Variants in STIMATE observed in about 807,000 individuals in gnomAD.
STIMATE encodes the protein store-operated calcium entry regulator STIMATE.
A neutral mutation model predicts 36.7 loss-of-function variants in STIMATE; 15 were observed. The ratio of observed to expected loss-of-function variants is 0.41; its 90% CI spans 0.27 to 0.63. The LOEUF (loss-of-function observed/expected upper bound fraction) is 0.63. Among genes scored for constraint, STIMATE ranks in the 20% least tolerant of loss-of-function variants. STIMATE has a pLI of 0.32. For missense variants in STIMATE, 305 were observed against 397.3 expected (o/e 0.77, Z 1.98); for synonymous variants, 163 against 162.3 (o/e 1.00, Z -0.03).
chr3:52,847,957 C>A (rs570292157), intron 4 of STIMATE: 13 of 178,628 alleles, frequency 7.3e-5, no homozygotes, highest in Non-Finnish European at 1.3e-4. Context: ...TACAGGCAGA[C>A]TCTAGAGGCT....
intron 1 of STIMATE, among the ~76,000 whole-genome samples, chr3:52,861,402 G>A (rs1024162701): frequency 6.6e-6 from 1 of 152,228 alleles, no homozygotes; most frequent in African/African-American, 2.4e-5. Flanking sequence ...GGCCTTTTGT[G>A]TACAGGTGTC....
chr3:52,860,803 TG>T (rs1299181513), intron 1 of STIMATE, among the ~76,000 whole-genome samples: 3 of 152,162 alleles, frequency 2.0e-5, no homozygotes, highest in Non-Finnish European at 4.4e-5. Flanking sequence ...AAAGGATGGC[TG>T]GGGCTGACTC....
intron 1 of STIMATE, among the ~76,000 whole-genome samples, chr3:52,858,094 C>T (rs56136581): frequency 0.069 from 10,554 of 152,084 alleles, 472 homozygotes; most frequent in Middle Eastern, 0.095. Context: ...ACCTTCATTG[C>T]GGTCTTCCAG....
chr3:52,885,790 G>C (rs550151175), intron 1 of STIMATE, among the ~76,000 whole-genome samples: 1 of 152,326 alleles, frequency 6.6e-6, no homozygotes, highest in East Asian at 1.9e-4. Flanking sequence ...CCTCCTTGCT[G>C]CTCTGAGATC....
chr3:52,840,381 G>T lies in STIMATE; in HGVS notation c.*113C>A. On this transcript the variant is annotated 3_prime_UTR_variant, in exon 8 of 8. Coordinates refer to ENST00000355083, the MANE Select transcript of STIMATE (RefSeq NM_198563.5). ...GCGAGAGCGGGCAGAGACAGCAAGA[G>T]GAGCAGAGGTAGAAAGGAAGGGCAG... 1 of 1,202,698 alleles carries T rather than the reference G, an allele frequency of 8.3e-7. No individual in the cohort carries two copies. Among genetic ancestry groups the T allele is most frequent in the Non-Finnish European group, 1.2e-6 (1 of 850,610 alleles). 74.5% of individuals were successfully genotyped at this position (1,202,698 alleles called of 1,614,324 possible). A position where few individuals can be genotyped will look rare whatever the true frequency, so the allele number is the denominator to read the frequency against.
intron 1 of STIMATE, among the ~76,000 whole-genome samples, chr3:52,869,760 G>A (rs1701371994): frequency 6.6e-6 from 1 of 152,200 alleles, no homozygotes; most frequent in Non-Finnish European, 1.5e-5. Context: ...ACATACTGGT[G>A]TCCCATCACA....
intron 1 of STIMATE, among the ~76,000 whole-genome samples, chr3:52,860,960 A>C (rs1301781508): frequency 6.6e-6 from 1 of 152,216 alleles, no homozygotes; most frequent in African/African-American, 2.4e-5. Context: ...TGGGCCTGGC[A>C]GCTGCTCCTG....
intron 4 of STIMATE, chr3:52,846,688 A>T (rs1348478283): frequency 6.6e-6 from 1 of 152,242 alleles, no homozygotes; most frequent in East Asian, 1.9e-4. Context: ...AAGAAAGTTC[A>T]GAAACGTGAG....
intron 1 of STIMATE, among the ~76,000 whole-genome samples, chr3:52,883,844 T>G (rs1272695236): frequency 6.6e-6 from 1 of 152,268 alleles, no homozygotes; most frequent in Non-Finnish European, 1.5e-5. Flanking sequence ...TATAACTGTT[T>G]TTCAATCCTT....
intron 1 of STIMATE, among the ~76,000 whole-genome samples, chr3:52,866,313 C>T (rs994791541): frequency 4.6e-5 from 7 of 152,386 alleles, no homozygotes; most frequent in African/African-American, 1.4e-4. Flanking sequence ...ACGGCTGCGG[C>T]GTGCACCCAT....
At chr3:52,848,183 G>A (rs1256136125) in intron 4 of STIMATE, 1 of 152,584 alleles carries the variant, frequency 6.6e-6, no homozygotes, top group Non-Finnish European at 1.5e-5. Flanking sequence ...AGGTAACTGA[G>A]CAGACAAGCT....
intron 1 of STIMATE, among the ~76,000 whole-genome samples, chr3:52,866,416 C>T (rs1559494699): frequency 6.6e-6 from 1 of 152,216 alleles, no homozygotes; most frequent in Non-Finnish European, 1.5e-5. Context: ...CCCATCTCAC[C>T]TGCTCTCTCC....
intron 1 of STIMATE, among the ~76,000 whole-genome samples, chr3:52,866,984 C>T (rs1327430721): frequency 1.3e-5 from 2 of 152,168 alleles, no homozygotes; most frequent in African/African-American, 2.4e-5. Flanking sequence ...CAGGGAAAGG[C>T]GTGTGGCTGC....
chr3:52,873,089 A>C (rs1313686683), intron 1 of STIMATE, among the ~76,000 whole-genome samples: 1 of 152,220 alleles, frequency 6.6e-6, no homozygotes, highest in Non-Finnish European at 1.5e-5. Context: ...CTGAGAAATA[A>C]ATAACAAAAA....
At chr3:52,881,080 G>A (rs1319021851) in intron 1 of STIMATE, among the ~76,000 whole-genome samples, 3 of 151,828 alleles carry the variant, frequency 2.0e-5, no homozygotes, top group Non-Finnish European at 2.9e-5. Context: ...CCAGCTACTC[G>A]GGAGGCTGAG....
chr3:52,861,154 G>T (rs1349457186), intron 1 of STIMATE, among the ~76,000 whole-genome samples: 1 of 152,164 alleles, frequency 6.6e-6, no homozygotes, highest in Non-Finnish European at 1.5e-5. Context: ...GCTGATGGAG[G>T]GTAGCAGCCA....
At chr3:52,840,698 A>G in intron 7 of STIMATE, 88 bp from the exon 8 acceptor site, 1 of 1,050,022 alleles carries the variant, frequency 9.5e-7, no homozygotes, top group South Asian at 1.9e-5. Context: ...TTCAAGTCTC[A>G]TGTTTTTTTT....
chr3:52,875,699 A>T (rs999870471), intron 1 of STIMATE, among the ~76,000 whole-genome samples: 3 of 152,222 alleles, frequency 2.0e-5, no homozygotes, highest in Non-Finnish European at 4.4e-5. Flanking sequence ...AAAGGACATC[A>T]AAGTTGCCAA....
chr3:52,891,198 G>T (rs977682357), intron 1 of STIMATE, among the ~76,000 whole-genome samples: 1 of 152,218 alleles, frequency 6.6e-6, no homozygotes, highest in African/African-American at 2.4e-5. Flanking sequence ...TGTGGAAAGA[G>T]GGGTGGAAAA....
Sources: gnomAD v4.1 joint callset for allele counts (sites outside exome capture counted in the v4.1 genomes callset) on GRCh38, gnomAD v4.1.1 for gene constraint, MANE v1.5 for transcripts, NCBI Gene and HGNC (gene_info 2026-07-23, HGNC 2026-07-21) for gene names.